Variants in IQCM observed in about 807,000 individuals in gnomAD.
The protein encoded by IQCM is IQ motif containing M, also known as IQ domain-containing protein M.
In IQCM, 45 loss-of-function variants were observed where a neutral mutation model predicts 57.6. That is an observed-to-expected ratio of 0.78 (90% CI 0.62 to 1.00). The LOEUF (loss-of-function observed/expected upper bound fraction) is 1.00. Among genes scored for constraint, IQCM ranks in the 50% least tolerant of loss-of-function variants. The pLI is 0.00. For missense variants in IQCM, 468 were observed against 511.6 expected, an observed-to-expected ratio of 0.91 and a Z score of 0.82; for synonymous variants, 148 against 158.9, an observed-to-expected ratio of 0.93 and a Z score of 0.51.
At chr4:149,357,300 G>A (rs1729073720) in intron 13 of IQCM, among the ~76,000 whole-genome samples, 1 of 152,178 alleles carries the variant, frequency 6.6e-6, no homozygotes, top group African/African-American at 2.4e-5. Flanking sequence ...TGAGTGGTGA[G>A]AGAGGGCATC....
intron 9 of IQCM, among the ~76,000 whole-genome samples, chr4:149,582,254 C>T (rs977187669): frequency 1.5e-4 from 19 of 129,660 alleles, no homozygotes; most frequent in Non-Finnish European, 2.6e-4. Context: ...AGATCCTGCA[C>T]CCTTGTAATT....
chr4:149,569,609 T>G (rs778254694), intron 9 of IQCM, among the ~76,000 whole-genome samples: 2 of 152,148 alleles, frequency 1.3e-5, no homozygotes, highest in Non-Finnish European at 2.9e-5. Context: ...AAATTTCATC[T>G]TTTGAAAGAA....
In IQCM at chr4:149,589,876, T is replaced by C. The variant is rs74350840; in HGVS notation, c.682-1879A>G. 8.6e-3 allele frequency among the ~76,000 whole-genome samples: 1,309 copies of C among 152,184 alleles called. 15 individuals are homozygous for C. The highest frequency in any genetic ancestry group is 0.029 in the African/African-American group (1,221 of 41,552). ...CAAGATGTTCCGTGACACATTTTCA[T>C]GGCTATAAAAATACTAATGGCCAGA... On this transcript the variant is annotated intron_variant, in intron 8 of 13. Coordinates refer to ENST00000636793, the MANE Select transcript of IQCM (RefSeq NM_001363507.2).
intron 8 of IQCM, among the ~76,000 whole-genome samples, chr4:149,601,670 C>T (rs534952205): frequency 1.3e-5 from 2 of 152,248 alleles, no homozygotes; most frequent in Admixed American, 1.3e-4. Context: ...ATTTAGTATA[C>T]TACTACATTT....
At chr4:149,677,840 AT>A (rs943026582) in intron 7 of IQCM, among the ~76,000 whole-genome samples, 8 of 151,944 alleles carry the variant, frequency 5.3e-5, no homozygotes, top group African/African-American at 7.2e-5. Flanking sequence ...GATTGAAATA[AT>A]TTTTTTAAAT....
chr4:149,700,066 C>T (rs1763650326), intron 5 of IQCM, among the ~76,000 whole-genome samples: 1 of 151,970 alleles, frequency 6.6e-6, no homozygotes, highest in South Asian at 2.1e-4. Flanking sequence ...TGTGTTGCCC[C>T]AAAGAGGACG....
chr4:149,474,724 AT>A (rs1372435303), intron 12 of IQCM, among the ~76,000 whole-genome samples: 1 of 151,782 alleles, frequency 6.6e-6, no homozygotes, highest in East Asian at 1.9e-4. Flanking sequence ...TCAAAAATAA[AT>A]AAATAAATAT....
In IQCM at chr4:149,500,795, C is replaced by T. The variant is rs889301839; in HGVS notation, c.1228+47660G>A. Among the ~76,000 whole-genome samples, 148 of 152,186 alleles carry T rather than the reference C, an allele frequency of 9.7e-4. 1 individual carries two copies. The highest frequency in any genetic ancestry group is 7.7e-4 in the East Asian group (4 of 5,172). On this transcript the variant is annotated intron_variant, in intron 12 of 13. Coordinates refer to ENST00000636793, the MANE Select transcript of IQCM (RefSeq NM_001363507.2). ...ACTAGTTCCTTTTTTTGTACAGTTTCTCTATTAGAAGAATAGATGAATAGC... is the reference window on the plus strand; with the variant it reads ...ACTAGTTCCTTTTTTTGTACAGTTTTTCTATTAGAAGAATAGATGAATAGC...
At chr4:149,747,733 T>C (rs1488776107) in intron 2 of IQCM, among the ~76,000 whole-genome samples, 1 of 152,208 alleles carries the variant, frequency 6.6e-6, no homozygotes, top group Middle Eastern at 3.2e-3. Context: ...AATATCAGGC[T>C]AGCTAGGAAC....
At chr4:149,381,696 C>A (rs532225762) in intron 13 of IQCM, among the ~76,000 whole-genome samples, 1 of 152,020 alleles carries the variant, frequency 6.6e-6, no homozygotes, top group South Asian at 2.1e-4. Context: ...GATGCCCTAT[C>A]CCTCTTCTAG....
At chr4:149,409,947 A>T (rs1733254741) in intron 13 of IQCM, among the ~76,000 whole-genome samples, 2 of 152,198 alleles carry the variant, frequency 1.3e-5, no homozygotes, top group South Asian at 4.1e-4. Context: ...GCACTTTGGC[A>T]GGCCAAGGCA....
At chr4:149,747,158 C>A (rs2149923283) in intron 2 of IQCM, among the ~76,000 whole-genome samples, 1 of 149,766 alleles carries the variant, frequency 6.7e-6, no homozygotes, top group East Asian at 2.0e-4. Context: ...TAGCACCAAA[C>A]AATAGGAATA....
At chr4:149,673,822 T>C (rs1474794129) in intron 7 of IQCM, among the ~76,000 whole-genome samples, 1 of 152,130 alleles carries the variant, frequency 6.6e-6, no homozygotes, top group East Asian at 1.9e-4. Context: ...GAATATACAT[T>C]CTTCTCAGAA....
chr4:149,433,341 A>G, intron 13 of IQCM, 55 bp downstream of exon 13: 1 of 748,178 alleles, frequency 1.3e-6, no homozygotes, highest in Non-Finnish European at 1.8e-6. Context: ...TATATATTTA[A>G]TATTATAAGG....
chr4:149,692,379 G>A (rs139172728), intron 5 of IQCM, among the ~76,000 whole-genome samples: 34 of 152,200 alleles, frequency 2.2e-4, no homozygotes, highest in Admixed American at 1.6e-3. Flanking sequence ...GGAAGGAAGT[G>A]GAAAATGTAG....
At chr4:149,436,002 G>A (rs1456079744) in intron 12 of IQCM, among the ~76,000 whole-genome samples, 3 of 152,172 alleles carry the variant, frequency 2.0e-5, no homozygotes, top group African/African-American at 7.2e-5. Flanking sequence ...AAAGAAAACT[G>A]TTGTTATAAA....
chr4:149,394,952 C>T (rs1478490015), intron 13 of IQCM, among the ~76,000 whole-genome samples: 1 of 151,940 alleles, frequency 6.6e-6, no homozygotes, highest in African/African-American at 2.4e-5. Flanking sequence ...TCACTCACTC[C>T]AGACAAGCTT....
chr4:149,562,651 A>T (rs1422384027), intron 10 of IQCM, among the ~76,000 whole-genome samples: 1 of 152,196 alleles, frequency 6.6e-6, no homozygotes, highest in African/African-American at 2.4e-5. Context: ...GCAATGAAAT[A>T]GATATAGCAG....
Position 149,684,990 on chromosome 4 carries a change from T to C in IQCM, c.476+1388A>G, listed in dbSNP as rs925233239. Among the ~76,000 whole-genome samples, 4 of 151,432 alleles carry C rather than the reference T, an allele frequency of 2.6e-5. No individual in the cohort carries two copies. The East Asian group carries it at 5.8e-4, about 22-fold the overall frequency. ...CTTCCTCATTAAGCAGGATATGTTT[T>C]CATTAAAAACAGGAAGTTAGGGTGT... On this transcript the variant is annotated intron_variant, in intron 6 of 13. Coordinates refer to ENST00000636793, the MANE Select transcript of IQCM (RefSeq NM_001363507.2).
Sources: allele counts gnomAD v4.1 joint callset (sites outside exome capture counted in the v4.1 genomes callset), GRCh38; gene constraint gnomAD v4.1.1; transcripts MANE v1.5; gene names NCBI Gene and HGNC (gene_info 2026-07-23, HGNC 2026-07-21).